The following NAV2 variants were observed in gnomAD, a reference collection of about 807,000 sequenced individuals.
The protein encoded by NAV2 is helicase, APC down-regulated 1.
In NAV2, 54 loss-of-function variants were observed where a neutral mutation model predicts 223.2. That is an observed-to-expected ratio of 0.24 (90% CI 0.19 to 0.30). The LOEUF is 0.30. Ranked by LOEUF, NAV2 falls within the 10% of genes least tolerant of loss-of-function variation. The pLI, the probability that NAV2 is intolerant of heterozygous loss-of-function variation, is 1.00. For missense variants in NAV2, 2,806 were observed against 3,147.5 expected, an observed-to-expected ratio of 0.89 and a Z score of 2.60; for synonymous variants, 1,279 against 1,239.3, an observed-to-expected ratio of 1.03 and a Z score of -0.67.
intron 6 of NAV2, among the ~76,000 whole-genome samples, chr11:19,910,547 A>G (rs576106535): frequency 1.7e-4 from 26 of 152,192 alleles, no homozygotes; most frequent in Non-Finnish European, 2.5e-4. Flanking sequence ...GTTTTCTGAC[A>G]TATCAGCATG....
At chr11:19,949,593 C>T (rs2047218090) in intron 10 of NAV2, among the ~76,000 whole-genome samples, 1 of 152,202 alleles carries the variant, frequency 6.6e-6, no homozygotes. Context: ...CTGACACCTC[C>T]TTGGAGGGGC....
At chr11:19,448,266 C>T (rs899117048) in intron 1 of NAV2, among the ~76,000 whole-genome samples, 7 of 152,048 alleles carry the variant, frequency 4.6e-5, no homozygotes, top group Non-Finnish European at 7.4e-5. Context: ...CAGGCAGGCT[C>T]AGCATAGAAG....
At chr11:19,485,917 T>C (rs903577162) in intron 1 of NAV2, among the ~76,000 whole-genome samples, 1 of 152,074 alleles carries the variant, frequency 6.6e-6, no homozygotes, top group Non-Finnish European at 1.5e-5. Flanking sequence ...AGGGAAAGCT[T>C]GAACCTGATT....
chr11:19,746,950 G>A, intron 1 of NAV2, among the ~76,000 whole-genome samples: 1 of 151,660 alleles, frequency 6.6e-6, no homozygotes, highest in Non-Finnish European at 1.5e-5. Flanking sequence ...GTGCAGGTTA[G>A]TTACATATGT....
intron 1 of NAV2, among the ~76,000 whole-genome samples, chr11:19,594,910 T>A (rs2046165062): frequency 6.6e-6 from 1 of 152,196 alleles, no homozygotes; most frequent in Non-Finnish European, 1.5e-5. Flanking sequence ...AAGATGAACG[T>A]GATTAGTAAT....
At chr11:19,752,233 G>A (rs1423213072) in intron 1 of NAV2, among the ~76,000 whole-genome samples, 1 of 152,284 alleles carries the variant, frequency 6.6e-6, no homozygotes, top group Non-Finnish European at 1.5e-5. Context: ...CCCACACGAG[G>A]GTACTCAGGG....
chr11:19,346,165 G>A (rs1288373080), upstream of NAV2, among the ~76,000 whole-genome samples: 1 of 152,206 alleles, frequency 6.6e-6, no homozygotes, highest in African/African-American at 2.4e-5. Flanking sequence ...CCTCTGTGGA[G>A]GCGTGCTTCC....
At chr11:19,657,168 T>C (rs1251202039) in intron 1 of NAV2, among the ~76,000 whole-genome samples, 3 of 151,952 alleles carry the variant, frequency 2.0e-5, no homozygotes, top group Non-Finnish European at 4.4e-5. Flanking sequence ...AAAGTATGGA[T>C]AGAGATGAGT....
intron 1 of NAV2, among the ~76,000 whole-genome samples, chr11:19,751,012 A>T (rs997074151): frequency 1.3e-5 from 2 of 152,228 alleles, no homozygotes; most frequent in Admixed American, 6.5e-5. Flanking sequence ...CTTGAGAGCC[A>T]GTTGTGTGCA....
At chr11:19,357,736 A>AGTTAC in intron 1 of NAV2, among the ~76,000 whole-genome samples, 1 of 152,204 alleles carries the variant, frequency 6.6e-6, no homozygotes, top group Non-Finnish European at 1.5e-5. Flanking sequence ...TCTGTTTCAG[A>AGTTAC]AGTACAGTCA....
intron 1 of NAV2, among the ~76,000 whole-genome samples, chr11:19,665,224 G>A (rs1414852531): frequency 1.3e-5 from 2 of 152,202 alleles, no homozygotes; most frequent in Non-Finnish European, 2.9e-5. Flanking sequence ...ACCTCTGCAG[G>A]AACAGCAGCT....
In NAV2 at chr11:19,934,085, C is replaced by G; in HGVS notation, c.1841C>G (p.Ser614Cys). The change falls in exon 7 of 38, where the codon TCC (serine) becomes TGC (cysteine). Residue 614 changes from serine to cysteine, a missense_variant. Transcript: ENST00000349880. ...GACGGCAGACACTCCAGTTCCTCTT[C>G]CAGCCTGGCGTCCTCAGAAGGAAAA... is the stretch of plus-strand genomic sequence containing the variant. ...QLDGRHSSSS[S>C]SLASSEGKGP... 6.2e-7 allele frequency: 1 copy of G among 1,612,212 alleles called. No homozygotes were observed.
intron 1 of NAV2, among the ~76,000 whole-genome samples, chr11:19,824,971 T>A (rs144857682): frequency 1.4e-4 from 21 of 152,232 alleles, no homozygotes; most frequent in African/African-American, 5.1e-4. Flanking sequence ...ACTAAACCAT[T>A]TAACCACGTA....
At chr11:19,860,155 T>C (rs2061652044) in intron 3 of NAV2, among the ~76,000 whole-genome samples, 1 of 135,638 alleles carries the variant, frequency 7.4e-6, no homozygotes, top group Non-Finnish European at 1.6e-5. Flanking sequence ...ACGGGGCGGC[T>C]GGCCAGGCGG....
At chr11:20,077,695 A>C in intron 23 of NAV2, 60 bp downstream of exon 23, 2 of 1,312,546 alleles carry the variant, frequency 1.5e-6, no homozygotes, top group Non-Finnish European at 1.1e-6. Flanking sequence ...ACTTGAAAAT[A>C]CTATTCTTTC....
chr11:19,745,888 T>A (rs1014959274), intron 1 of NAV2, among the ~76,000 whole-genome samples: 1 of 152,192 alleles, frequency 6.6e-6, no homozygotes, highest in Admixed American at 6.5e-5. Flanking sequence ...CAATGGTACT[T>A]GTCCATGGTT....
intron 1 of NAV2, among the ~76,000 whole-genome samples, chr11:19,641,384 A>G (rs2047659344): frequency 2.0e-5 from 3 of 151,984 alleles, no homozygotes; most frequent in East Asian, 1.9e-4. Flanking sequence ...CCTTAGTCCA[A>G]GTGGCCATTA....
chr11:19,359,061 G>A (rs1325689686), intron 1 of NAV2, among the ~76,000 whole-genome samples: 3 of 152,214 alleles, frequency 2.0e-5, no homozygotes, highest in Non-Finnish European at 4.4e-5. Context: ...TTTGTTGAAT[G>A]AATGAGTGAC....
chr11:19,736,151 C>T (rs1025966854), intron 1 of NAV2, among the ~76,000 whole-genome samples: 1 of 152,202 alleles, frequency 6.6e-6, no homozygotes, highest in Non-Finnish European at 1.5e-5. Context: ...ATCTCACCCT[C>T]TCTATAGCAA....
Sources: gnomAD v4.1 joint callset for allele counts (sites outside exome capture counted in the v4.1 genomes callset) on GRCh38, gnomAD v4.1.1 for gene constraint, MANE v1.5 for transcripts, NCBI Gene and HGNC (gene_info 2026-07-23, HGNC 2026-07-21) for gene names.